The following DCBLD1 variants were observed in gnomAD, a reference collection of about 807,000 sequenced individuals.
The protein encoded by DCBLD1 is discoidin, CUB and LCCL domain-containing protein 1.
A neutral mutation model predicts 71.5 loss-of-function variants in DCBLD1; 57 were observed. That is an observed-to-expected ratio of 0.80 (90% CI 0.64 to 0.99). The LOEUF is 0.99. DCBLD1 is among the 50% of genes least tolerant of loss of function. DCBLD1 has a pLI of 0.00. For synonymous variants in DCBLD1, 380 were observed against 363.8 expected (o/e 1.04, Z -0.51); for missense variants, 891 against 923.5 (o/e 0.96, Z 0.46).
At chr6:117,569,403 T>C (rs1030739310) in intron 14 of DCBLD1, among the ~76,000 whole-genome samples, 1 of 152,216 alleles carries the variant, frequency 6.6e-6, no homozygotes, top group Non-Finnish European at 1.5e-5. Context: ...GAATGGTCCA[T>C]TTTCAGTAAA....
At chr6:117,567,122 G>A (rs1779714465) in intron 14 of DCBLD1, 7 of 894,548 alleles carry the variant, frequency 7.8e-6, no homozygotes, top group Non-Finnish European at 1.1e-5. Flanking sequence ...AAGGCTTAGG[G>A]GTAGAGAGAT....
At chr6:117,510,804 A>G (rs1362806535) in intron 2 of DCBLD1, among the ~76,000 whole-genome samples, 2 of 152,218 alleles carry the variant, frequency 1.3e-5, no homozygotes, top group African/African-American at 4.8e-5. Context: ...TTTGGTTTAC[A>G]TAAAATTTTA....
rs565027191 is a variant in DCBLD1 at position 117,511,373 on chromosome 6, C to G, written c.325+7394C>G. ...GCCAGTGATAGAAAGAAACTCTTTA[C>G]TATAGGATCCTAATGGAAGTTAAAT... On this transcript the variant is annotated intron_variant, in intron 2 of 14. Coordinates refer to ENST00000338728, the MANE Select transcript of DCBLD1 (RefSeq NM_001366458.2). Among the ~76,000 whole-genome samples, 21 of 152,298 alleles carry G rather than the reference C, an allele frequency of 1.4e-4. No homozygotes were observed. The South Asian group carries it at 4.4e-3, about 32-fold the overall frequency.
intron 1 of DCBLD1, among the ~76,000 whole-genome samples, chr6:117,487,217 G>A (rs1208270793): frequency 6.6e-6 from 1 of 151,990 alleles, no homozygotes; most frequent in Non-Finnish European, 1.5e-5. Flanking sequence ...TGAGTTTTGT[G>A]CCTTGAACAG....
At chr6:117,504,527 A>G (rs1464417243) in intron 2 of DCBLD1, among the ~76,000 whole-genome samples, 1 of 152,190 alleles carries the variant, frequency 6.6e-6, no homozygotes, top group Admixed American at 6.5e-5. Flanking sequence ...TTCAAATGGG[A>G]TGGTAGGGAG....
intron 14 of DCBLD1, among the ~76,000 whole-genome samples, chr6:117,558,995 G>C (rs1051425999): frequency 6.6e-6 from 1 of 152,182 alleles, no homozygotes; most frequent in African/African-American, 2.4e-5. Flanking sequence ...ACAGGTTCAG[G>C]CCTGTTCTGT....
rs1382013757 is a variant in DCBLD1, at chr6:117,508,731, G to GT, written c.325+4756dup. The stretch of plus-strand genomic sequence containing the variant: ...GATCTTTCAATAAGGTTGGGTCCGA[G>GT]TTTTCCCTTGAAAGGTGACCTCCAC... On this transcript the variant is annotated intron_variant, in intron 2 of 14. Transcript: ENST00000338728. Among the ~76,000 whole-genome samples the GT allele has an allele frequency of 5.3e-5, 8 of 152,280 alleles. No homozygotes were observed. The East Asian group carries it at 9.7e-4, about 18-fold the overall frequency.
At chr6:117,503,717 G>C in intron 1 of DCBLD1, 50 bp from the exon 2 acceptor site, 1 of 1,588,136 alleles carries the variant, frequency 6.3e-7, no homozygotes, top group Non-Finnish European at 8.6e-7. Context: ...TCCTCAGTAA[G>C]AATTAATGAC....
chr6:117,569,776 T>C, exon 15 of DCBLD1: 1 of 1,530,476 alleles, frequency 6.5e-7, no homozygotes, highest in Non-Finnish European at 8.7e-7. Flanking sequence ...GTACTCTTTG[T>C]AAGGTACAGT....
chr6:117,533,338 C>G (rs1358969956), intron 6 of DCBLD1, among the ~76,000 whole-genome samples: 2 of 152,132 alleles, frequency 1.3e-5, no homozygotes, highest in Non-Finnish European at 1.5e-5. Context: ...TCCCCCTGCC[C>G]TTGCTATTTT....
intron 14 of DCBLD1, among the ~76,000 whole-genome samples, chr6:117,569,241 G>T (rs1779758720): frequency 6.6e-6 from 1 of 152,154 alleles, no homozygotes. Flanking sequence ...TAAGGATGTT[G>T]TTTTTTCAGT....
In DCBLD1 at chr6:117,549,116, A is replaced by G; in HGVS notation, c.*677A>G. ...CACCTCAGCAGCTGCCCGTTTCCTTAGTCTCCACTTCAGAGGGGGATGCGA... is the reference window on the plus strand; with the variant it reads ...CACCTCAGCAGCTGCCCGTTTCCTTGGTCTCCACTTCAGAGGGGGATGCGA... On this transcript the variant is annotated 3_prime_UTR_variant, in exon 15 of 15. Coordinates refer to ENST00000338728, the MANE Select transcript of DCBLD1 (RefSeq NM_001366458.2). 4.1e-6 allele frequency: 4 copies of G among 985,890 alleles called. No homozygotes were observed. The highest frequency in any genetic ancestry group is 4.8e-6 in the Non-Finnish European group (4 of 830,296). The allele number at this position is 985,890 out of a possible 1,614,324, so 61.1% of individuals were successfully genotyped here.
intron 1 of DCBLD1, among the ~76,000 whole-genome samples, chr6:117,493,860 G>C (rs1777379488): frequency 6.6e-6 from 1 of 152,194 alleles, no homozygotes; most frequent in Admixed American, 6.5e-5. Context: ...AAAGGGTTTT[G>C]TGGGCTTCAG....
intron 14 of DCBLD1, among the ~76,000 whole-genome samples, chr6:117,546,309 CTG>C (rs1356578787): frequency 4.6e-5 from 7 of 152,170 alleles, no homozygotes; most frequent in Non-Finnish European, 1.5e-5. Context: ...ACATAGGACT[CTG>C]TGGGGCATGC....
At chr6:117,545,907 C>G (rs1157334408) in intron 14 of DCBLD1, among the ~76,000 whole-genome samples, 1 of 152,096 alleles carries the variant, frequency 6.6e-6, no homozygotes, top group Non-Finnish European at 1.5e-5. Context: ...GGCACTGGTA[C>G]AGAGGGGCTG....
intron 2 of DCBLD1, among the ~76,000 whole-genome samples, chr6:117,506,961 C>T (rs1314642987): frequency 6.6e-6 from 1 of 152,206 alleles, no homozygotes; most frequent in Non-Finnish European, 1.5e-5. Flanking sequence ...TTTAGTTTAT[C>T]CTGCCCGATA....
intron 2 of DCBLD1, among the ~76,000 whole-genome samples, chr6:117,513,444 T>C (rs1778087530): frequency 6.6e-6 from 1 of 152,194 alleles, no homozygotes; most frequent in African/African-American, 2.4e-5. Flanking sequence ...TTGGTATCTC[T>C]GATAGCTCTT....
intron 6 of DCBLD1, among the ~76,000 whole-genome samples, chr6:117,536,341 T>G (rs757937190): frequency 3.3e-5 from 5 of 152,208 alleles, no homozygotes; most frequent in Admixed American, 3.3e-4. Flanking sequence ...GGCCCCCAGA[T>G]TTTCCATTCG....
At position 117,525,350 on chromosome 6, in the gene DCBLD1, T is replaced by A; in HGVS notation, c.513-12T>A. 6.9e-7 allele frequency: 1 copy of A among 1,453,520 alleles called. No homozygotes were observed. The allele number at this position is 1,453,520 out of a possible 1,614,324, so 90.0% of individuals were successfully genotyped here. On this transcript the variant is annotated splice_polypyrimidine_tract_variant and intron_variant, in intron 4 of 14. Transcript: ENST00000338728. ...TTAATAAAATATAAATTATTTATTT[T>A]TCTTTTTCCAGCAAATTCTGCCCAG...
Sources: gnomAD v4.1 joint callset for allele counts (sites outside exome capture counted in the v4.1 genomes callset) on GRCh38, gnomAD v4.1.1 for gene constraint, MANE v1.5 for transcripts, NCBI Gene and HGNC (gene_info 2026-07-23, HGNC 2026-07-21) for gene names.